ATOH8: variants seen among roughly 807,000 people sequenced by gnomAD.
ATOH8 encodes atonal bHLH transcription factor 8.
ATOH8 carries 9 observed loss-of-function variants against 21.2 expected under a neutral mutation model. The ratio of observed to expected loss-of-function variants is 0.42; its 90% CI spans 0.26 to 0.74. The LOEUF (loss-of-function observed/expected upper bound fraction) is 0.74, where lower values mean the gene tolerates loss of function less well. Ranked by LOEUF, ATOH8 falls within the 30% of genes least tolerant of loss-of-function variation. ATOH8 has a pLI of 0.24. For synonymous variants in ATOH8, 253 were observed against 224.0 expected (o/e 1.13, Z -1.16); for missense variants, 524 against 470.9 (o/e 1.11, Z -1.04).
chr2:85,764,122 C>T lies in ATOH8; in HGVS notation c.900C>T (p.Ser300=), dbSNP rs111910117. 1.4e-4 allele frequency: 225 copies of T among 1,614,202 alleles called. No homozygotes were observed. Among genetic ancestry groups the T allele is most frequent in the African/African-American group, 1.1e-3 (83 of 75,058 alleles). Residue 300 remains serine (S), a synonymous_variant, in exon 2 of 3, where the codon TCC becomes TCT. Transcript: ENST00000306279. ...YSADHSNLSF[S]ECVQRCTRTL... The stretch of plus-strand genomic sequence containing the variant: ...CCGACCACAGCAACCTCAGCTTCTC[C>T]GAGTGTGTGCAGCGCTGCACCCGCA...
chr2:85,773,568 A>C (rs1573532839), intron 2 of ATOH8: 1 of 152,152 alleles, frequency 6.6e-6, no homozygotes, highest in Admixed American at 6.6e-5. Context: ...GGGTACTGGG[A>C]GTTTCCCCTT....
chr2:85,754,180 C>T lies in ATOH8; in HGVS notation c.-10C>T, dbSNP rs781019417. ...AGCCCCACGCCCCTGCCTCGCGCGC[C>T]GCCCGCGCCATGAAGCACATCCCGG... On this transcript the variant is annotated 5_prime_UTR_variant, in exon 1 of 3. Transcript: ENST00000306279. The T allele has an allele frequency of 1.9e-6, 3 of 1,560,846 alleles. No homozygotes were observed. Among genetic ancestry groups the T allele is most frequent in the Middle Eastern group, 1.8e-4 (1 of 5,672 alleles).
At chr2:85,780,245 A>G (rs1680448102) in intron 2 of ATOH8, 1 of 152,274 alleles carries the variant, frequency 6.6e-6, no homozygotes, top group African/African-American at 2.4e-5. Flanking sequence ...TAGGTGCTCA[A>G]GAAATGCTAG....
intron 2 of ATOH8, among the ~76,000 whole-genome samples, chr2:85,784,933 AGGT>A (rs1680586242): frequency 1.3e-5 from 2 of 152,216 alleles, no homozygotes; most frequent in Admixed American, 1.3e-4. Context: ...TCTTGGACCG[AGGT>A]GGTGGTGGTC....
At position 85,775,117 on chromosome 2, in the gene ATOH8, A is replaced by G. The variant is rs527511564; in HGVS notation, c.960+10935A>G. ...TTACATTGTATTATATTATATTTTT[A>G]GGTGGTATGCTATGTGACATAGGAT... On this transcript the variant is annotated intron_variant, in intron 2 of 2. Transcript: ENST00000306279. 3.8e-5 allele frequency: 35 copies of G among 929,016 alleles called. 1 individual carries two copies. The South Asian group carries it at 1.5e-3, about 41-fold the overall frequency. The allele number at this position is 929,016 out of a possible 1,614,324, so 57.5% of individuals were successfully genotyped here. A position where few individuals can be genotyped will look rare whatever the true frequency, so the allele number is the denominator to read the frequency against.
At chr2:85,772,346 C>T (rs907740936) in intron 2 of ATOH8, among the ~76,000 whole-genome samples, 10 of 152,316 alleles carry the variant, frequency 6.6e-5, no homozygotes, top group African/African-American at 2.4e-4. Flanking sequence ...TTCTGCGAGG[C>T]GGGCCTGCTG....
At position 85,754,421 on chromosome 2, in the gene ATOH8, G is replaced by T; in HGVS notation, c.232G>T (p.Val78Phe). 1 of 1,546,898 alleles carries T rather than the reference G, an allele frequency of 6.5e-7. No individual in the cohort carries two copies. Among genetic ancestry groups the T allele is most frequent in the African/African-American group, 1.4e-5 (1 of 69,634 alleles). ...GGTCCCGGTACCGGTGCCGGTGCCAGTCCCAGTGGCGCCGGCCGTTCCCCC... is the reference window on the plus strand; with the variant it reads ...GGTCCCGGTACCGGTGCCGGTGCCATTCCCAGTGGCGCCGGCCGTTCCCCC... ...QPVPVPVPVP[V>F]PVAPAVPPRG... The change falls in exon 1 of 3, where the codon GTC (valine) becomes TTC (phenylalanine). Residue 78 changes from valine (V) to phenylalanine (F), a missense_variant. Physicochemically the swap from Val to Phe is conservative, Grantham distance 50. Coordinates refer to ENST00000306279, the MANE Select transcript of ATOH8 (RefSeq NM_032827.7).
intron 1 of ATOH8, among the ~76,000 whole-genome samples, 162 bp from the exon 2 acceptor site, chr2:85,763,821 CGTGTGTGT>C (rs61491730): frequency 1.7e-4 from 24 of 143,868 alleles, no homozygotes; most frequent in African/African-American, 5.4e-4. Flanking sequence ...GATGAGCTGA[CGTGTGTGT>C]GTGTGTGTGT....
At chr2:85,763,893 G>T (rs985080988) in intron 1 of ATOH8, 98 bp from the exon 2 acceptor site, 10 of 1,044,700 alleles carry the variant, frequency 9.6e-6, no homozygotes, top group Middle Eastern at 2.2e-4. Context: ...ATAAGATTAG[G>T]GTGGAGGGCT....
At position 85,788,962 on chromosome 2, in the gene ATOH8, A is replaced by C. The variant is rs1204759260; in HGVS notation, c.*2072A>C. On this transcript the variant is annotated 3_prime_UTR_variant, in exon 3 of 3. Coordinates refer to ENST00000306279, the MANE Select transcript of ATOH8 (RefSeq NM_032827.7). ...TGGAATGGGGCCAGGAGGGTCTGTT[A>C]GGAAGGTTCAGCCACCCTGTGAAGC... is the stretch of plus-strand genomic sequence containing the variant. Among the ~76,000 whole-genome samples, 1 of 152,178 alleles carries C rather than the reference A, an allele frequency of 6.6e-6. No individual in the cohort carries two copies. Among genetic ancestry groups the C allele is most frequent in the African/African-American group, 2.4e-5 (1 of 41,434 alleles).
At chr2:85,774,052 C>T (rs2104523293) in intron 2 of ATOH8, 1 of 974,332 alleles carries the variant, frequency 1.0e-6, no homozygotes, top group South Asian at 4.8e-5. Context: ...CATGAAGCTA[C>T]CCCACCAGCT....
In ATOH8 at chr2:85,767,192, T is replaced by C. The variant is rs1680039969; in HGVS notation, c.960+3010T>C. ...GAGGCCCCACCTCCATTTACAGAGA[T>C]TCTGTTTGGGGAATCAACCCCCAGG... On this transcript the variant is annotated intron_variant, in intron 2 of 2. Coordinates refer to ENST00000306279, the MANE Select transcript of ATOH8 (RefSeq NM_032827.7). 6.6e-5 allele frequency among the ~76,000 whole-genome samples: 10 copies of C among 152,170 alleles called. No homozygotes were observed. In the South Asian group the frequency reaches 2.1e-3, roughly 31 times the overall value.
intron 2 of ATOH8, among the ~76,000 whole-genome samples, chr2:85,772,106 G>GGCT (rs1680198512): frequency 6.6e-6 from 1 of 152,242 alleles, no homozygotes; most frequent in Admixed American, 6.5e-5. Flanking sequence ...TAAGCAGCCC[G>GGCT]GCTGCAGCGC....
At chr2:85,783,350 A>C (rs1489792625) in intron 2 of ATOH8, among the ~76,000 whole-genome samples, 3 of 152,140 alleles carry the variant, frequency 2.0e-5, no homozygotes, top group Non-Finnish European at 4.4e-5. Context: ...AGGGTGGATC[A>C]TCTGAGGTTG....
At chr2:85,771,732 C>G (rs924281516) in intron 2 of ATOH8, among the ~76,000 whole-genome samples, 3 of 152,166 alleles carry the variant, frequency 2.0e-5, no homozygotes, top group Non-Finnish European at 2.9e-5. Flanking sequence ...TGCAGCAGAC[C>G]ACTGCCACCA....
chr2:85,772,265 G>A (rs866319343), intron 2 of ATOH8, among the ~76,000 whole-genome samples: 12 of 152,334 alleles, frequency 7.9e-5, no homozygotes, highest in Admixed American at 2.0e-4. Context: ...AGGTTAAGTC[G>A]CCTGGCGGCC....
chr2:85,754,109 G>T lies in ATOH8; in HGVS notation c.-81G>T. 2 of 1,368,240 alleles carry T rather than the reference G, an allele frequency of 1.5e-6. No individual in the cohort carries two copies. The highest frequency in any genetic ancestry group is 3.4e-5 in the South Asian group (2 of 59,522). 84.8% of individuals were successfully genotyped at this position (1,368,240 alleles called of 1,614,324 possible). ...AGGGAGGGGGAGGGCGGGCGAAGCG[G>T]GAGAGCCAGAGACTCCTCGGCGCTG... On this transcript the variant is annotated 5_prime_UTR_variant, in exon 1 of 3. Coordinates refer to ENST00000306279, the MANE Select transcript of ATOH8 (RefSeq NM_032827.7).
chr2:85,782,884 T>G (rs13000406), intron 2 of ATOH8, among the ~76,000 whole-genome samples: 1 of 152,180 alleles, frequency 6.6e-6, no homozygotes, highest in Non-Finnish European at 1.5e-5. Flanking sequence ...TTAGTAGAGA[T>G]GGGGTTTTGC....
intron 2 of ATOH8, chr2:85,781,039 C>G: frequency 9.1e-6 from 9 of 988,002 alleles, no homozygotes; most frequent in Non-Finnish European, 1.1e-5. Context: ...AAGTCTGTCC[C>G]TTGGAGAAGA....
Sources: gnomAD v4.1 joint callset for allele counts (sites outside exome capture counted in the v4.1 genomes callset) on GRCh38, gnomAD v4.1.1 for gene constraint, MANE v1.5 for transcripts, NCBI Gene and HGNC (gene_info 2026-07-23, HGNC 2026-07-21) for gene names.